Variants in RIN1 observed in about 807,000 individuals in gnomAD.
RIN1 encodes ras inhibitor 1.
RIN1 carries 52 observed loss-of-function variants against 64.9 expected under a neutral mutation model. The observed-to-expected ratio is 0.80, with a 90% CI of 0.64 to 1.01. The LOEUF is 1.01. Among genes scored for constraint, RIN1 ranks in the 50% least tolerant of loss-of-function variants. The pLI is 0.00. For synonymous variants in RIN1, 486 were observed against 483.6 expected, an observed-to-expected ratio of 1.00 and a Z score of -0.06; for missense variants, 1,040 against 1,064.5, an observed-to-expected ratio of 0.98 and a Z score of 0.32.
Position 66,335,125 on chromosome 11 carries a change from A to G in RIN1, c.674T>C (p.Phe225Ser), listed in dbSNP as rs769851371. 1 of 1,538,680 alleles carries G rather than the reference A, an allele frequency of 6.5e-7. No homozygotes were observed. Among genetic ancestry groups the G allele is most frequent in the Non-Finnish European group, 8.7e-7 (1 of 1,146,190 alleles). ...DQGTGAALCFFNPLFPGDLGP... is the reference protein window; with the variant it reads ...DQGTGAALCFSNPLFPGDLGP... The stretch of plus-strand genomic sequence containing the variant: ...TAGGTCCCCCGGGAACAGGGGGTTG[A>G]AGAAGCACAAGGCGGCTCCGGTGCC... The change falls in exon 6 of 10, where the codon TTC becomes TCC. Residue 225 changes from phenylalanine to serine, a missense_variant. Physicochemically the swap from Phe to Ser is radical, Grantham distance 155. Transcript: ENST00000311320.
upstream of RIN1, chr11:66,336,544 G>A: frequency 2.8e-6 from 2 of 712,336 alleles, no homozygotes. Context: ...CCTGGCCAGT[G>A]CCCGCCTCCT....
intron 9 of RIN1, 95 bp from the exon 10 acceptor site, chr11:66,332,847 A>G: frequency 3.1e-6 from 3 of 966,322 alleles, no homozygotes; most frequent in Non-Finnish European, 3.1e-6. Context: ...CTGTGCAGGG[A>G]CAGGGTGGGT....
In RIN1 at chr11:66,334,518, C is replaced by A. The variant is rs770562201; in HGVS notation, c.1281G>T (p.Arg427Ser). The change falls in exon 6 of 10, where the codon AGG (arginine) becomes AGT (serine). Residue 427 changes from arginine to serine, a missense_variant. Arg to Ser is a moderately radical substitution (Grantham distance 110, BLOSUM62 -1). Coordinates refer to ENST00000311320, the MANE Select transcript of RIN1 (RefSeq NM_004292.3). ...TATGGAGAGACGGAGCCTCACCCAG[C>A]CTCTTAGGCGACAGCAGCTTCTCAG... ...LGPEKLLSPK[R>S]LEHVLEKSLH... The A allele has an allele frequency of 1.3e-6, 2 of 1,596,408 alleles. No homozygotes were observed. Among genetic ancestry groups the A allele is most frequent in the Non-Finnish European group, 8.5e-7 (1 of 1,172,996 alleles).
chr11:66,335,477 C>T lies in RIN1; in HGVS notation c.477G>A (p.Leu159=). ...CGTGGTGGATGGCTCTGGGGAGCTG[C>T]AGCGGGAGGAGAAGGATGTCCCTGA... ...CHTRDILLLP[L]QLPRAIHHAA... Residue 159 remains leucine (L), a synonymous_variant, in exon 5 of 10, where the codon CTG becomes CTA. Transcript: ENST00000311320. 1.2e-6 allele frequency: 2 copies of T among 1,613,744 alleles called. No homozygotes were observed. Among genetic ancestry groups the T allele is most frequent in the South Asian group, 2.2e-5 (2 of 91,072 alleles).
At position 66,334,660 on chromosome 11, in the gene RIN1, C is replaced by T. The variant is rs1324273976; in HGVS notation, c.1139G>A (p.Gly380Asp). The T allele has an allele frequency of 1.3e-6, 2 of 1,561,082 alleles. No individual in the cohort carries two copies. Among genetic ancestry groups the T allele is most frequent in the Non-Finnish European group, 1.7e-6 (2 of 1,155,342 alleles). ...GGTCAGTAGGTCCTGCACCAGCTGG[C>T]CCGCGGCTGTGTGTCGGTCCTGCAT... ...ALMQDRHTAA[G>D]QLVQDLLTQV... The change falls in exon 6 of 10, where the codon GGC (glycine) becomes GAC (aspartate). Residue 380 changes from glycine (G) to aspartate (D), a missense_variant. By Grantham distance (94) the Gly-to-Asp change is moderately conservative. Transcript: ENST00000311320.
Position 66,332,751 on chromosome 11 carries a change from T to C in RIN1, c.1877A>G (p.His626Arg). 1 of 1,511,322 alleles carries C rather than the reference T, an allele frequency of 6.6e-7. No homozygotes were observed. Among genetic ancestry groups the C allele is most frequent in the South Asian group, 1.4e-5 (1 of 74,066 alleles). 93.6% of individuals were successfully genotyped at this position (1,511,322 alleles called of 1,614,324 possible). A position where few individuals can be genotyped will look rare whatever the true frequency, so the allele number is the denominator to read the frequency against. ...RRLPATHCFQHLLRVAYQDPS... is the reference protein window; with the variant it reads ...RRLPATHCFQRLLRVAYQDPS... ...ATCCTGATAGGCTACTCGGAGGAGG[T>C]GCTATGCAGGAGGAGAAGCAAAAAC... The change falls in exon 10 of 10, where the codon CAC becomes CGC. Residue 626 changes from histidine (H) to arginine (R), a missense_variant and splice_region_variant. Coordinates refer to ENST00000311320, the MANE Select transcript of RIN1 (RefSeq NM_004292.3).
intron 6 of RIN1, 139 bp downstream of exon 6, chr11:66,334,375 G>A: frequency 7.9e-7 from 1 of 1,266,360 alleles, no homozygotes; most frequent in Non-Finnish European, 1.1e-6. Context: ...GGGGAGAGAG[G>A]GGATGGAACT....
rs1489702230 is a variant in RIN1 at position 66,332,548 on chromosome 11, G to A, written c.2080C>T (p.Pro694Ser). Residue 694 changes from proline to serine, a missense_variant, in exon 10 of 10, where the codon CCC becomes TCC. Pro to Ser is a moderately conservative substitution (Grantham distance 74). Coordinates refer to ENST00000311320, the MANE Select transcript of RIN1 (RefSeq NM_004292.3). ...LPPGALAHRLPTTGYLVYRRA... is the reference protein window; with the variant it reads ...LPPGALAHRLSTTGYLVYRRA... ...CGGTAGACGAGGTAGCCAGTGGTGGGCAGCCTGTGGGCCAGGGCCCCAGGG... is the reference window on the plus strand; with the variant it reads ...CGGTAGACGAGGTAGCCAGTGGTGGACAGCCTGTGGGCCAGGGCCCCAGGG... 1.2e-6 allele frequency: 2 copies of A among 1,613,126 alleles called. No individual in the cohort carries two copies. The highest frequency in any genetic ancestry group is 1.1e-5 in the South Asian group (1 of 91,040).
Position 66,336,099 on chromosome 11 carries a change from G to GGCCCGCCTGCCTGCCCGCCGCTGGC in RIN1, c.121_145dup (p.Pro49ArgfsTer57). ...GCTCACAACGCGCCCCGGCCGCTGC[G>GGCCCGCCTGCCTGCCCGCCGCTGGC]GCCCGCCTGCCTGCCCGCCGCTGGC... On this transcript the variant is annotated frameshift_variant, in exon 2 of 10. Coordinates refer to ENST00000311320, the MANE Select transcript of RIN1 (RefSeq NM_004292.3). LOFTEE classifies it high-confidence loss of function. 2.8e-6 allele frequency: 4 copies of GGCCCGCCTGCCTGCCCGCCGCTGGC among 1,445,794 alleles called. No individual in the cohort carries two copies. Among genetic ancestry groups the GGCCCGCCTGCCTGCCCGCCGCTGGC allele is most frequent in the Non-Finnish European group, 3.6e-6 (4 of 1,101,578 alleles). 89.6% of individuals were successfully genotyped at this position (1,445,794 alleles called of 1,614,324 possible).
intron 1 of RIN1, 68 bp downstream of exon 1, chr11:66,336,249 T>G: frequency 6.6e-7 from 1 of 1,522,468 alleles, no homozygotes; most frequent in Non-Finnish European, 8.9e-7. Context: ...ACTTTCTCTA[T>G]CCCCGGATAG....
chr11:66,335,785 T>C lies in RIN1; in HGVS notation c.359A>G (p.His120Arg), dbSNP rs1854877907. The C allele has an allele frequency of 3.7e-6, 6 of 1,611,654 alleles. No individual in the cohort carries two copies. Among genetic ancestry groups the C allele is most frequent in the Non-Finnish European group, 5.1e-6 (6 of 1,178,438 alleles). ...ACCGCCAGGGCTCTCCAGGATGTAG[T>C]GGCTGGAGACGAAGGAGGGGCCACT... ...EASGPSFVSSHYILESPGGVS... is the reference protein window; with the variant it reads ...EASGPSFVSSRYILESPGGVS... Residue 120 changes from histidine to arginine, a missense_variant, in exon 3 of 10, where the codon CAC becomes CGC. Transcript: ENST00000311320.
At chr11:66,333,754 G>GA in intron 7 of RIN1, 96 bp from the exon 8 acceptor site, 2 of 1,491,922 alleles carry the variant, frequency 1.3e-6, no homozygotes, top group Admixed American at 4.5e-5. Context: ...AGGGGCTTCA[G>GA]AAAGGATGCG....
rs1019153554 is a variant in RIN1, at chr11:66,334,972, C to T, written c.827G>A (p.Ser276Asn). The T allele has an allele frequency of 3.8e-6, 6 of 1,574,440 alleles. No homozygotes were observed. The highest frequency in any genetic ancestry group is 5.2e-6 in the Non-Finnish European group (6 of 1,160,976). Residue 276 changes from serine to asparagine, a missense_variant, in exon 6 of 10, where the codon AGC (serine) becomes AAC (asparagine). Transcript: ENST00000311320. Reference protein sequence around the residue: ...PVPVLPGAVPSQTERLPPCQL... With the variant: ...PVPVLPGAVPNQTERLPPCQL... The stretch of plus-strand genomic sequence containing the variant: ...GCAAGGGGGCAGCCGCTCTGTCTGG[C>T]TGGGGACTGCCCCTGGCAGCACGGG...
chr11:66,336,680 C>T, upstream of RIN1: 1 of 449,332 alleles, frequency 2.2e-6, no homozygotes, highest in East Asian at 3.7e-5. Context: ...TCACATTGCA[C>T]ACGTGGGCGG....
chr11:66,334,860 C>T lies in RIN1; in HGVS notation c.939G>A (p.Glu313=), dbSNP rs1854838956. 2 of 1,559,154 alleles carry T rather than the reference C, an allele frequency of 1.3e-6. No homozygotes were observed. The highest frequency in any genetic ancestry group is 1.4e-5 in the African/African-American group (1 of 73,660). The change falls in exon 6 of 10, where the codon GAG becomes GAA. Residue 313 remains glutamate (E), a synonymous_variant. Transcript: ENST00000311320. ...AGCTGCTGGGGGAGCCGCAGTCCAC[C>T]TCTTGGAGGGAGGGCATAGGCGGAA... ...PSLPPMPSLQ[E]VDCGSPSSSE...
In RIN1 at chr11:66,334,638, C is replaced by G; in HGVS notation, c.1161G>C (p.Leu387=). The change falls in exon 6 of 10, where the codon CTG becomes CTC. Residue 387 remains leucine, a synonymous_variant. Coordinates refer to ENST00000311320, the MANE Select transcript of RIN1 (RefSeq NM_004292.3). ...GCTCGGGCCCAGCCCGCACCTGGGT[C>G]AGTAGGTCCTGCACCAGCTGGCCCG... is the stretch of plus-strand genomic sequence containing the variant. ...TAAGQLVQDL[L]TQVRAGPEPQ... The G allele has an allele frequency of 6.3e-7, 1 of 1,575,604 alleles. No individual in the cohort carries two copies. Among genetic ancestry groups the G allele is most frequent in the South Asian group, 1.2e-5 (1 of 86,486 alleles).
At chr11:66,332,827 G>T (rs1281339501) in intron 9 of RIN1, 75 bp from the exon 10 acceptor site, 2 of 1,140,012 alleles carry the variant, frequency 1.8e-6, no homozygotes, top group Non-Finnish European at 2.5e-6. Context: ...TGAGACATCA[G>T]CTTTCTGGGC....
In RIN1 at chr11:66,330,603, C is replaced by T. The variant is rs1364279625; in HGVS notation, c.*1673G>A. 6.6e-6 allele frequency: 1 copy of T among 152,318 alleles called. No individual in the cohort carries two copies. The highest frequency in any genetic ancestry group is 1.5e-5 in the Non-Finnish European group (1 of 68,144). 9.4% of individuals were successfully genotyped at this position (152,318 alleles called of 1,614,324 possible). ...CCAACATGGGGAAACCCCGTCTCTA[C>T]TAGTAACACAAAAATTAGCCAGGTG... On this transcript the variant is annotated 3_prime_UTR_variant, in exon 10 of 10. Coordinates refer to ENST00000311320, the MANE Select transcript of RIN1 (RefSeq NM_004292.3).
In RIN1 at chr11:66,332,194, G is replaced by T; in HGVS notation, c.*82C>A. 3 of 1,306,614 alleles carry T rather than the reference G, an allele frequency of 2.3e-6. No individual in the cohort carries two copies. The highest frequency in any genetic ancestry group is 3.3e-6 in the Non-Finnish European group (3 of 911,466). 80.9% of individuals were successfully genotyped at this position (1,306,614 alleles called of 1,614,324 possible). A position where few individuals can be genotyped will look rare whatever the true frequency, so the allele number is the denominator to read the frequency against. The stretch of plus-strand genomic sequence containing the variant: ...GGTGGCAGACACAGGACAGGGCCCT[G>T]GGTGGGGCTTGCTGGCGCTAAAAGG... On this transcript the variant is annotated 3_prime_UTR_variant, in exon 10 of 10. Transcript: ENST00000311320.
Sources: gnomAD v4.1 joint callset for allele counts on GRCh38, gnomAD v4.1.1 for gene constraint, MANE v1.5 for transcripts, NCBI Gene and HGNC (gene_info 2026-07-23, HGNC 2026-07-21) for gene names.